KCTD8: variants seen among roughly 807,000 people sequenced by gnomAD.
KCTD8 encodes the protein potassium channel tetramerization domain containing 8, also known as BTB/POZ domain-containing protein KCTD8.
Under a neutral mutation model 31.5 loss-of-function variants are expected in KCTD8, and 27 were observed. The observed-to-expected ratio is 0.86, with a 90% CI of 0.63 to 1.18. The LOEUF is 1.18. KCTD8 is among the 50% of genes most tolerant of loss of function. The pLI is 0.00. For missense variants in KCTD8, 658 were observed against 647.7 expected (o/e 1.02, Z -0.17); for synonymous variants, 290 against 280.0 (o/e 1.04, Z -0.36).
intron 1 of KCTD8, among the ~76,000 whole-genome samples, chr4:44,317,255 C>T (rs1216743265): frequency 3.3e-4 from 3 of 9,012 alleles, no homozygotes; most frequent in South Asian, 7.3e-3. Context: ...TTTTTTGAGA[C>T]GGAGTCTCGC....
At chr4:44,390,251 G>A (rs1353864653) in intron 1 of KCTD8, among the ~76,000 whole-genome samples, 1 of 151,954 alleles carries the variant, frequency 6.6e-6, no homozygotes, top group South Asian at 2.1e-4. Context: ...TTATCTTCTA[G>A]AACTTTTATG....
intron 1 of KCTD8, among the ~76,000 whole-genome samples, chr4:44,435,942 G>A (rs1721633329): frequency 6.6e-6 from 1 of 152,088 alleles, no homozygotes; most frequent in African/African-American, 2.4e-5. Flanking sequence ...ATTTTAAGCA[G>A]TTCTTCAGGG....
intron 1 of KCTD8, among the ~76,000 whole-genome samples, chr4:44,287,207 A>T (rs1012172908): frequency 6.6e-6 from 1 of 152,134 alleles, no homozygotes; most frequent in Non-Finnish European, 1.5e-5. Flanking sequence ...GCTTGAGCCC[A>T]TGAGTTCAAG....
intron 1 of KCTD8, among the ~76,000 whole-genome samples, chr4:44,300,659 T>A (rs78228799): frequency 0.029 from 4,467 of 152,246 alleles, 233 homozygotes; most frequent in African/African-American, 0.1. Context: ...ACTTATGGTA[T>A]GTTTTTTAAA....
intron 1 of KCTD8, among the ~76,000 whole-genome samples, chr4:44,181,601 T>G (rs1336540370): frequency 2.0e-5 from 3 of 152,062 alleles, no homozygotes; most frequent in Non-Finnish European, 4.4e-5. Flanking sequence ...AGCTACAACC[T>G]CCACCTCCCA....
At chr4:44,319,214 T>C (rs1468047546) in intron 1 of KCTD8, among the ~76,000 whole-genome samples, 1 of 152,136 alleles carries the variant, frequency 6.6e-6, no homozygotes, top group South Asian at 2.1e-4. Flanking sequence ...GAGGTTTCAA[T>C]TGAGGATAGG....
intron 1 of KCTD8, among the ~76,000 whole-genome samples, chr4:44,404,995 A>G (rs1723439525): frequency 6.6e-6 from 1 of 152,180 alleles, no homozygotes; most frequent in Admixed American, 6.5e-5. Flanking sequence ...AAAAGCTAAA[A>G]GAAATTACAG....
chr4:44,281,185 G>A (rs1295496930), intron 1 of KCTD8, among the ~76,000 whole-genome samples: 1 of 152,024 alleles, frequency 6.6e-6, no homozygotes, highest in Non-Finnish European at 1.5e-5. Flanking sequence ...TCAAAACTAT[G>A]CAAAACTCTG....
At chr4:44,315,595 C>CT (rs1394441522) in intron 1 of KCTD8, among the ~76,000 whole-genome samples, 3 of 151,952 alleles carry the variant, frequency 2.0e-5, no homozygotes, top group African/African-American at 7.2e-5. Flanking sequence ...AGGGTAGTAT[C>CT]TTTTTATTTT....
At chr4:44,229,705 T>C (rs1227354492) in intron 1 of KCTD8, among the ~76,000 whole-genome samples, 1 of 152,086 alleles carries the variant, frequency 6.6e-6, no homozygotes, top group Non-Finnish European at 1.5e-5. Context: ...CCTTTTTTTT[T>C]CTTCTTCAGG....
chr4:44,434,154 GAATGCCC>G (rs1343293468), intron 1 of KCTD8, among the ~76,000 whole-genome samples: 1 of 151,698 alleles, frequency 6.6e-6, no homozygotes, highest in Non-Finnish European at 1.5e-5. Flanking sequence ...TCTCTTACAT[GAATGCCC>G]ACATTTCTGT....
rs936385600 is a variant in KCTD8 at position 44,291,426 on chromosome 4, C to T, written c.962-116176G>A. ...CAATAAATGGTGCTGAGATAACTGGCTAGCCATATGCAGAAGAATGAAACT... is the reference window on the plus strand; with the variant it reads ...CAATAAATGGTGCTGAGATAACTGGTTAGCCATATGCAGAAGAATGAAACT... On this transcript the variant is annotated intron_variant, in intron 1 of 1. Transcript: ENST00000360029. 2.2e-3 allele frequency among the ~76,000 whole-genome samples: 332 copies of T among 152,180 alleles called. 2 individuals are homozygous for T. Among genetic ancestry groups the T allele is most frequent in the Non-Finnish European group, 3.5e-3 (238 of 67,976 alleles).
intron 1 of KCTD8, among the ~76,000 whole-genome samples, chr4:44,252,930 A>C (rs1349168104): frequency 6.6e-6 from 1 of 151,712 alleles, no homozygotes; most frequent in African/African-American, 2.4e-5. Flanking sequence ...ATCATAACTT[A>C]AAAACCTCCT....
intron 1 of KCTD8, among the ~76,000 whole-genome samples, chr4:44,367,246 C>T (rs1223507998): frequency 3.3e-5 from 5 of 152,088 alleles, no homozygotes; most frequent in African/African-American, 7.2e-5. Flanking sequence ...TCCCCCATTA[C>T]GATATGATAA....
At chr4:44,367,383 C>G (rs1719667962) in intron 1 of KCTD8, among the ~76,000 whole-genome samples, 2 of 152,118 alleles carry the variant, frequency 1.3e-5, no homozygotes, top group East Asian at 3.9e-4. Context: ...AACCAACCAA[C>G]CAATCAATCT....
intron 1 of KCTD8, among the ~76,000 whole-genome samples, chr4:44,396,998 T>G (rs562208698): frequency 6.6e-5 from 10 of 152,202 alleles, no homozygotes; most frequent in Admixed American, 6.6e-4. Context: ...AAAAGGAGCC[T>G]GGCTTCTAGG....
At chr4:44,190,435 T>C (rs1326638976) in intron 1 of KCTD8, among the ~76,000 whole-genome samples, 1 of 152,252 alleles carries the variant, frequency 6.6e-6, no homozygotes, top group Non-Finnish European at 1.5e-5. Flanking sequence ...AAATTTCTTA[T>C]TGGCTGTGTT....
chr4:44,212,417 C>G (rs1714515443), intron 1 of KCTD8, among the ~76,000 whole-genome samples: 1 of 152,102 alleles, frequency 6.6e-6, no homozygotes, highest in Non-Finnish European at 1.5e-5. Flanking sequence ...TTCCAAGACC[C>G]CTGCATATAC....
At chr4:44,200,425 A>G (rs1714105418) in intron 1 of KCTD8, among the ~76,000 whole-genome samples, 1 of 151,972 alleles carries the variant, frequency 6.6e-6, no homozygotes, top group Admixed American at 6.6e-5. Context: ...ACTAGCAAAC[A>G]GAATCCAGCA....
Sources: allele counts gnomAD v4.1 joint callset (sites outside exome capture counted in the v4.1 genomes callset), GRCh38; gene constraint gnomAD v4.1.1; transcripts MANE v1.5; gene names NCBI Gene and HGNC (gene_info 2026-07-23, HGNC 2026-07-21).